ZNF521: variants seen among roughly 807,000 people sequenced by gnomAD.
ZNF521 encodes the protein zinc finger protein 521.
A neutral mutation model predicts 105.5 loss-of-function variants in ZNF521; 14 were observed. That is an observed-to-expected ratio of 0.13 (90% CI 0.09 to 0.21). The LOEUF (loss-of-function observed/expected upper bound fraction) is 0.21. Ranked by LOEUF, ZNF521 falls within the 10% of genes least tolerant of loss-of-function variation. ZNF521 has a pLI of 1.00. For synonymous variants in ZNF521, 635 were observed against 606.0 expected, an observed-to-expected ratio of 1.05 and a Z score of -0.70; for missense variants, 1,233 against 1,629.7, an observed-to-expected ratio of 0.76 and a Z score of 4.19.
chr18:25,139,866 C>T (rs76403390), intron 5 of ZNF521, among the ~76,000 whole-genome samples: 3,823 of 152,100 alleles, frequency 0.025, 152 homozygotes, highest in African/African-American at 0.085. Context: ...GAGATTGGAG[C>T]CCTCACAAAT....
rs939062964 is a variant in ZNF521, at chr18:25,351,022, C to G, written c.-1-75G>C. On this transcript the variant is annotated intron_variant, in intron 1 of 7. Transcript: ENST00000361524. ...TACTTCCTCGTGGCCGCGCGCCCCTCGGGCCGCGGCGCCTCGCGCCCTCCG... is the reference window on the plus strand; with the variant it reads ...TACTTCCTCGTGGCCGCGCGCCCCTGGGGCCGCGGCGCCTCGCGCCCTCCG... 1.5e-5 allele frequency: 19 copies of G among 1,235,510 alleles called. No individual in the cohort carries two copies. The Admixed American group carries it at 6.5e-4, about 42-fold the overall frequency. 76.5% of individuals were successfully genotyped at this position (1,235,510 alleles called of 1,614,324 possible).
intron 7 of ZNF521, among the ~76,000 whole-genome samples, chr18:25,078,474 C>CTG (rs996090493): frequency 1.5e-4 from 23 of 152,136 alleles, no homozygotes; most frequent in Non-Finnish European, 2.2e-4. Context: ...TAATGCCACC[C>CTG]AAACATCAGA....
chr18:25,214,970 G>C (rs903813890), intron 4 of ZNF521, among the ~76,000 whole-genome samples: 58 of 152,194 alleles, frequency 3.8e-4, no homozygotes, highest in African/African-American at 1.4e-3. Context: ...GGCGAAAGAC[G>C]AAACACTAAC....
chr18:25,284,717 A>C (rs1910587123), intron 3 of ZNF521, among the ~76,000 whole-genome samples: 1 of 152,210 alleles, frequency 6.6e-6, no homozygotes, highest in African/African-American at 2.4e-5. Context: ...ATAAAAAAAG[A>C]GAAAGAGATG....
chr18:25,218,821 C>G (rs1905508645), intron 4 of ZNF521, among the ~76,000 whole-genome samples: 1 of 152,076 alleles, frequency 6.6e-6, no homozygotes, highest in Non-Finnish European at 1.5e-5. Flanking sequence ...GCACTCCAGC[C>G]TGGGCAACAA....
rs55818021 is a variant in ZNF521, at chr18:25,293,351, T to TACACACACACACACAC, written c.220+28641_220+28656dup. 5.5e-3 allele frequency among the ~76,000 whole-genome samples: 793 copies of TACACACACACACACAC among 143,210 alleles called. 6 individuals carry two copies. Among genetic ancestry groups the TACACACACACACACAC allele is most frequent in the African/African-American group, 0.019 (754 of 38,850 alleles). 94.0% of individuals were successfully genotyped at this position (143,210 alleles called of 152,430 possible). A position where few individuals can be genotyped will look rare whatever the true frequency, so the allele number is the denominator to read the frequency against. On this transcript the variant is annotated intron_variant, in intron 3 of 7. Transcript: ENST00000361524. ...ATTTTCTTGCTTGCACATGTACACA[T>TACACACACACACACAC]ACACACACACACACACACACACACA... is the stretch of plus-strand genomic sequence containing the variant.
chr18:25,164,761 G>C (rs1039484290), intron 5 of ZNF521, among the ~76,000 whole-genome samples: 6 of 152,188 alleles, frequency 3.9e-5, no homozygotes, highest in Admixed American at 3.3e-4. Flanking sequence ...CCCCAGGAGG[G>C]GGGCACTCAA....
intron 3 of ZNF521, among the ~76,000 whole-genome samples, chr18:25,265,403 T>G (rs762000502): frequency 1.3e-5 from 2 of 152,228 alleles, no homozygotes; most frequent in Non-Finnish European, 2.9e-5. Context: ...TCCTGCTTTC[T>G]TTCCTGAACT....
At chr18:25,308,193 CAAAAAAAAAA>C (rs756580169) in intron 3 of ZNF521, among the ~76,000 whole-genome samples, 2 of 31,100 alleles carry the variant, frequency 6.4e-5, no homozygotes, top group African/African-American at 3.0e-4. Flanking sequence ...GACTGCATCT[CAAAAAAAAAA>C]AAAAAAAAAA....
At chr18:25,327,171 T>C (rs777552994) in intron 2 of ZNF521, among the ~76,000 whole-genome samples, 1 of 152,314 alleles carries the variant, frequency 6.6e-6, no homozygotes, top group Non-Finnish European at 1.5e-5. Flanking sequence ...TTTAGAAAGC[T>C]GCCCGAGTTC....
chr18:25,181,567 C>A (rs2035632697), intron 5 of ZNF521, among the ~76,000 whole-genome samples: 1 of 152,144 alleles, frequency 6.6e-6, no homozygotes, highest in African/African-American at 2.4e-5. Context: ...ATGGAGCTGC[C>A]TAACCAGCTA....
chr18:25,087,403 T>C (rs2144197595), intron 7 of ZNF521, among the ~76,000 whole-genome samples: 1 of 152,356 alleles, frequency 6.6e-6, no homozygotes, highest in Admixed American at 6.5e-5. Flanking sequence ...TGAGTTCTTT[T>C]AATGAAAGAC....
At chr18:25,076,331 G>A (rs1358015024) in intron 7 of ZNF521, among the ~76,000 whole-genome samples, 1 of 152,210 alleles carries the variant, frequency 6.6e-6, no homozygotes, top group Admixed American at 6.5e-5. Flanking sequence ...GCTGTTGGTT[G>A]GAAGAAAGAC....
chr18:25,212,537 A>AG lies in ZNF521; in HGVS notation c.3573+11807_3573+11808insC, dbSNP rs2036206993. 3.1e-4 allele frequency among the ~76,000 whole-genome samples: 31 copies of AG among 98,852 alleles called. 1 individual carries two copies. Among genetic ancestry groups the AG allele is most frequent in the African/African-American group, 1.4e-3 (30 of 21,414 alleles). The allele number at this position is 98,852 out of a possible 152,430, so 64.9% of individuals were successfully genotyped here. A position where few individuals can be genotyped will look rare whatever the true frequency, so the allele number is the denominator to read the frequency against. ...AAAAAAAAAAAAAAAAAAAAAAAAA[A>AG]AATATATATATATATATATATATAT... is the stretch of plus-strand genomic sequence containing the variant. On this transcript the variant is annotated intron_variant, in intron 4 of 7. Transcript: ENST00000361524.
chr18:25,167,085 C>T (rs2035356099), intron 5 of ZNF521, among the ~76,000 whole-genome samples: 1 of 151,960 alleles, frequency 6.6e-6, no homozygotes, highest in South Asian at 2.1e-4. Flanking sequence ...TTTAATTGTT[C>T]TCTTCCTAGC....
Position 25,319,661 on chromosome 18 carries a change from T to C in ZNF521, c.220+2347A>G, listed in dbSNP as rs542850083. ...TGAATATGTAGATATTTATATAGTA[T>C]CAAAGTTATCTTCCCACAAATTATT... On this transcript the variant is annotated intron_variant, in intron 3 of 7. Coordinates refer to ENST00000361524, the MANE Select transcript of ZNF521 (RefSeq NM_015461.3). Among the ~76,000 whole-genome samples the C allele has an allele frequency of 3.3e-5, 5 of 151,994 alleles. No homozygotes were observed. The South Asian group carries it at 6.2e-4, about 19-fold the overall frequency.
At chr18:25,109,237 T>A (rs2034135387) in intron 5 of ZNF521, among the ~76,000 whole-genome samples, 1 of 152,188 alleles carries the variant, frequency 6.6e-6, no homozygotes, top group African/African-American at 2.4e-5. Flanking sequence ...TTAGTTCACT[T>A]AGGATAATGG....
At chr18:25,333,035 T>C (rs1913667588) in intron 2 of ZNF521, among the ~76,000 whole-genome samples, 2 of 151,938 alleles carry the variant, frequency 1.3e-5, no homozygotes, top group African/African-American at 2.4e-5. Flanking sequence ...ATAGTATTTA[T>C]GTATATAATG....
In ZNF521 at chr18:25,226,104, C is replaced by T; in HGVS notation, c.1814G>A (p.Ser605Asn). The T allele has an allele frequency of 1.2e-6, 2 of 1,614,178 alleles. No homozygotes were observed. Among genetic ancestry groups the T allele is most frequent in the Non-Finnish European group, 1.7e-6 (2 of 1,180,030 alleles). Residue 605 changes from serine (S) to asparagine (N), a missense_variant, in exon 4 of 8, where the codon AGC becomes AAC. Around this residue, in one of 6 missense-constraint regions of ZNF521, gnomAD observed 614 missense variants for 751.5 expected, o/e 0.82. Transcript: ENST00000361524. The surrounding 1 kb of genome is among the most constrained non-coding windows in gnomAD (Gnocchi z 4.1). ...CTCTATGGCCACAGGAGATAGGGGGCTTAAGGCCCTGGATTTCTTCCCATT... is the reference window on the plus strand; with the variant it reads ...CTCTATGGCCACAGGAGATAGGGGGTTTAAGGCCCTGGATTTCTTCCCATT... ...IHNGKKSRAL[S>N]PLSPVAIEQT... is the part of the protein sequence containing the mutation.
Sources: allele counts gnomAD v4.1 joint callset (sites outside exome capture counted in the v4.1 genomes callset), GRCh38; gene constraint gnomAD v4.1.1; regional missense constraint gnomAD v4.1.1; non-coding constraint Gnocchi (gnomAD v3.1); transcripts MANE v1.5; gene names NCBI Gene and HGNC (gene_info 2026-07-23, HGNC 2026-07-21).